The following MRPS21 variants were observed in gnomAD, a reference collection of about 807,000 sequenced individuals.
MRPS21 encodes the protein mitochondrial ribosomal protein S21.
Under a neutral mutation model 9.9 loss-of-function variants are expected in MRPS21, and 8 were observed. That is an observed-to-expected ratio of 0.81 (90% CI 0.47 to 1.45). The LOEUF (loss-of-function observed/expected upper bound fraction) is 1.45. Ranked by LOEUF, MRPS21 falls within the 40% of genes most tolerant of loss-of-function variation. MRPS21 has a pLI of 0.00. For missense variants in MRPS21, 101 were observed against 118.9 expected, an observed-to-expected ratio of 0.85 and a Z score of 0.70; for synonymous variants, 40 against 40.3, an observed-to-expected ratio of 0.99 and a Z score of 0.03.
intron 2 of MRPS21, among the ~76,000 whole-genome samples, chr1:150,302,114 C>G (rs1310947867): frequency 1.3e-5 from 2 of 152,272 alleles, no homozygotes. Context: ...CTCCTGATCT[C>G]TTTCAGCTTT....
At chr1:150,294,896 C>CAAAAAAAAA (rs143847321) in intron 2 of MRPS21, among the ~76,000 whole-genome samples, 9 of 136,370 alleles carry the variant, frequency 6.6e-5, no homozygotes, top group African/African-American at 2.0e-4. Flanking sequence ...GACTCTATCT[C>CAAAAAAAAA]AAAAAAAAAG....
At chr1:150,298,705 G>A (rs1572145493) in intron 2 of MRPS21, among the ~76,000 whole-genome samples, 1 of 152,102 alleles carries the variant, frequency 6.6e-6, no homozygotes, top group African/African-American at 2.4e-5. Context: ...GAGTTCAAGC[G>A]ATTCTCCTGC....
At chr1:150,297,073 C>G (rs150281681) in intron 2 of MRPS21, among the ~76,000 whole-genome samples, 1 of 151,472 alleles carries the variant, frequency 6.6e-6, no homozygotes, top group African/African-American at 2.4e-5. Context: ...GGGCGGATCA[C>G]GAGGTCAGGA....
intron 2 of MRPS21, among the ~76,000 whole-genome samples, chr1:150,297,446 T>G (rs1572144240): frequency 6.6e-6 from 1 of 151,946 alleles, no homozygotes; most frequent in East Asian, 1.9e-4. Context: ...TTCAGGCGGG[T>G]GGATCACCTG....
chr1:150,294,516 C>G, intron 2 of MRPS21, 67 bp downstream of exon 2: 1 of 1,339,810 alleles, frequency 7.5e-7, no homozygotes, highest in Non-Finnish European at 1.1e-6. Context: ...TCTCTCCCTT[C>G]CCCTTTCGTT....
chr1:150,298,607 C>G (rs1264300919), intron 2 of MRPS21, among the ~76,000 whole-genome samples: 1 of 150,764 alleles, frequency 6.6e-6, no homozygotes, highest in Non-Finnish European at 1.5e-5. Context: ...ATTTATTGAA[C>G]CACTTTTTTT....
intron 1 of MRPS21, 192 bp from the exon 2 acceptor site, chr1:150,294,142 CG>C (rs1653826862): frequency 2.1e-6 from 1 of 474,738 alleles, no homozygotes; most frequent in East Asian, 3.8e-5. Context: ...CTTCTCTATG[CG>C]AGGATTTGGA....
intron 2 of MRPS21, among the ~76,000 whole-genome samples, chr1:150,299,080 G>A (rs977376655): frequency 2.0e-5 from 3 of 152,194 alleles, no homozygotes; most frequent in Non-Finnish European, 2.9e-5. Flanking sequence ...GCCATGCATG[G>A]TGGCACAGGT....
At position 150,308,840 on chromosome 1, in the gene MRPS21, CAAAA is replaced by C. The variant is rs587766353; in HGVS notation, c.*616_*619del. 2.7e-3 allele frequency: 409 copies of C among 153,482 alleles called. No homozygotes were observed. The highest frequency in any genetic ancestry group is 9.3e-3 in the African/African-American group (386 of 41,350). The allele number at this position is 153,482 out of a possible 1,614,324, so 9.5% of individuals were successfully genotyped here. On this transcript the variant is annotated 3_prime_UTR_variant, in exon 3 of 3. Coordinates refer to ENST00000614145, the MANE Select transcript of MRPS21 (RefSeq NM_031901.6). The stretch of plus-strand genomic sequence containing the variant: ...GACAGAGTGAGACTCCATCTCAAAA[CAAAA>C]AAACGGAGATGGATGATGAATGGTG...
chr1:150,301,639 C>T (rs1654137668), intron 2 of MRPS21, among the ~76,000 whole-genome samples: 1 of 147,918 alleles, frequency 6.8e-6, no homozygotes, highest in Non-Finnish European at 1.5e-5. Context: ...TTTTTTAATA[C>T]GGAGTCTCTC....
chr1:150,302,426 G>T (rs1489582875), intron 2 of MRPS21, among the ~76,000 whole-genome samples: 2 of 152,238 alleles, frequency 1.3e-5, no homozygotes, highest in South Asian at 2.1e-4. Flanking sequence ...CTGGAAGCAT[G>T]CCCTGTTGAC....
chr1:150,308,514 T>C lies in MRPS21; in HGVS notation c.*286T>C, dbSNP rs1340819413. ...AGTTATTGTTTAATGGGTACAGAGTTTCAGTTTGGGCAGATGAAAAAGTTC... is the reference window on the plus strand; with the variant it reads ...AGTTATTGTTTAATGGGTACAGAGTCTCAGTTTGGGCAGATGAAAAAGTTC... On this transcript the variant is annotated 3_prime_UTR_variant, in exon 3 of 3. Transcript: ENST00000614145. 1 of 239,480 alleles carries C rather than the reference T, an allele frequency of 4.2e-6. No homozygotes were observed. Among genetic ancestry groups the C allele is most frequent in the African/African-American group, 2.2e-5 (1 of 45,310 alleles). The allele number at this position is 239,480 out of a possible 1,614,324, so 14.8% of individuals were successfully genotyped here. A position where few individuals can be genotyped will look rare whatever the true frequency, so the allele number is the denominator to read the frequency against.
chr1:150,302,801 A>G (rs1654194308), intron 2 of MRPS21, among the ~76,000 whole-genome samples: 1 of 152,196 alleles, frequency 6.6e-6, no homozygotes, highest in South Asian at 2.1e-4. Flanking sequence ...AAAGTTGAGT[A>G]GATACCTCTA....
In MRPS21 at chr1:150,308,112, T is replaced by C. The variant is rs10480; in HGVS notation, c.148T>C (p.Cys50Arg). The C allele has an allele frequency of 0.97, 1,562,794 of 1,606,932 alleles. 760,057 individuals carry two copies. The highest frequency in any genetic ancestry group is 1 in the East Asian group (44,572 of 44,576). Reference protein sequence around the residue: ...KHRRYYEKPCCRRQRESYERC... With the variant: ...KHRRYYEKPCRRRQRESYERC... ...TCGGCGGTATTATGAGAAGCCATGCTGCCGGCGACAGAGGGAAAGCTATGA... is the reference window on the plus strand; with the variant it reads ...TCGGCGGTATTATGAGAAGCCATGCCGCCGGCGACAGAGGGAAAGCTATGA... Residue 50 changes from cysteine to arginine, a missense_variant, in exon 3 of 3, where the codon TGC becomes CGC. Coordinates refer to ENST00000614145, the MANE Select transcript of MRPS21 (RefSeq NM_031901.6).
chr1:150,306,457 G>A (rs1434756428), intron 2 of MRPS21, among the ~76,000 whole-genome samples: 1 of 151,198 alleles, frequency 6.6e-6, no homozygotes. Flanking sequence ...GTAGAGGTGG[G>A]GTTTCACCAT....
intron 2 of MRPS21, among the ~76,000 whole-genome samples, chr1:150,306,398 A>G (rs782055177): frequency 4.6e-5 from 7 of 150,682 alleles, no homozygotes; most frequent in Non-Finnish European, 8.9e-5. Context: ...GCCTCAGCCT[A>G]CTGAGTACAG....
chr1:150,308,667 AC>A lies in MRPS21; in HGVS notation c.*440del, dbSNP rs1654445295. On this transcript the variant is annotated 3_prime_UTR_variant, in exon 3 of 3. Transcript: ENST00000614145. ...GCCAATGTGGTGAAACCCCATCTCT[AC>A]TAAAAATACAAAAAAAAATTGGCCG... 1.3e-5 allele frequency: 1 copy of A among 74,282 alleles called. No individual in the cohort carries two copies. The highest frequency in any genetic ancestry group is 5.7e-5 in the African/African-American group (1 of 17,678). The allele number at this position is 74,282 out of a possible 1,614,324, so 4.6% of individuals were successfully genotyped here.
intron 2 of MRPS21, among the ~76,000 whole-genome samples, chr1:150,297,442 CG>C (rs1653955801): frequency 6.6e-6 from 1 of 152,002 alleles, no homozygotes. Context: ...GAGGTTCAGG[CG>C]GGTGGATCAC....
Position 150,308,344 on chromosome 1 carries a change from C to A in MRPS21, c.*116C>A. 9.5e-7 allele frequency: 1 copy of A among 1,055,260 alleles called. No individual in the cohort carries two copies. Among genetic ancestry groups the A allele is most frequent in the Non-Finnish European group, 1.3e-6 (1 of 754,742 alleles). 65.4% of individuals were successfully genotyped at this position (1,055,260 alleles called of 1,614,324 possible). On this transcript the variant is annotated 3_prime_UTR_variant, in exon 3 of 3. Coordinates refer to ENST00000614145, the MANE Select transcript of MRPS21 (RefSeq NM_031901.6). Reference sequence around the variant, plus strand: ...TCTGCAATAAACTCAAATCACATGTCTGCAAGAAGGCCTCCAAATATAGAA... The same window carrying A: ...TCTGCAATAAACTCAAATCACATGTATGCAAGAAGGCCTCCAAATATAGAA...
Sources: gnomAD v4.1 joint callset for allele counts (sites outside exome capture counted in the v4.1 genomes callset) on GRCh38, gnomAD v4.1.1 for gene constraint, MANE v1.5 for transcripts, NCBI Gene and HGNC (gene_info 2026-07-23, HGNC 2026-07-21) for gene names.